ZC3H12C: variants seen among roughly 807,000 people sequenced by gnomAD.
ZC3H12C encodes the protein probable ribonuclease ZC3H12C.
Under a neutral mutation model 76.3 loss-of-function variants are expected in ZC3H12C, and 20 were observed. That is an observed-to-expected ratio of 0.26 (90% CI 0.18 to 0.38). The LOEUF (loss-of-function observed/expected upper bound fraction) is 0.38, where lower values mean the gene tolerates loss of function less well. ZC3H12C is among the 10% of genes least tolerant of loss of function. The pLI is 1.00. For missense variants in ZC3H12C, 874 were observed against 1,086.5 expected, an observed-to-expected ratio of 0.80 and a Z score of 2.75; for synonymous variants, 352 against 399.6, an observed-to-expected ratio of 0.88 and a Z score of 1.42.
At chr11:110,145,603 G>GT (rs1862150760) in intron 2 of ZC3H12C, among the ~76,000 whole-genome samples, 1 of 150,000 alleles carries the variant, frequency 6.7e-6, no homozygotes. Context: ...GAAATTGGGG[G>GT]CGGGGGGGAG....
chr11:110,164,134 T>G lies in ZC3H12C; in HGVS notation c.1256-207T>G, dbSNP rs1862531552. 6.6e-6 allele frequency among the ~76,000 whole-genome samples: 1 copy of G among 150,824 alleles called. No individual in the cohort carries two copies. Among genetic ancestry groups the G allele is most frequent in the South Asian group, 2.1e-4 (1 of 4,782 alleles). Reference sequence around the variant, plus strand: ...AAAAAGTTCTGGAGGTGATTATTACTCATTCGGCCAACTTCCTCCTGTTCT... The same window carrying G: ...AAAAAGTTCTGGAGGTGATTATTACGCATTCGGCCAACTTCCTCCTGTTCT... On this transcript the variant is annotated intron_variant, in intron 5 of 5. Coordinates refer to ENST00000278590, the MANE Select transcript of ZC3H12C (RefSeq NM_033390.2). The surrounding 1 kb of genome is among the most constrained non-coding windows in gnomAD (Gnocchi z 5.7).
chr11:110,166,736 C>A lies in ZC3H12C; in HGVS notation c.*999C>A, dbSNP rs1862592090. The A allele has an allele frequency of 6.6e-6, 1 of 152,162 alleles. No individual in the cohort carries two copies. The highest frequency in any genetic ancestry group is 2.4e-5 in the African/African-American group (1 of 41,430). The allele number at this position is 152,162 out of a possible 1,614,324, so 9.4% of individuals were successfully genotyped here. A position where few individuals can be genotyped will look rare whatever the true frequency, so the allele number is the denominator to read the frequency against. On this transcript the variant is annotated 3_prime_UTR_variant, in exon 6 of 6. Coordinates refer to ENST00000278590, the MANE Select transcript of ZC3H12C (RefSeq NM_033390.2). ...ATGCAACTTTTATATTTAACATACT[C>A]TTTAGCTTTCCTGCTATTTATCAAG...
intron 1 of ZC3H12C, among the ~76,000 whole-genome samples, chr11:110,094,873 T>A (rs1460487732): frequency 6.6e-6 from 1 of 152,250 alleles, no homozygotes; most frequent in Non-Finnish European, 1.5e-5. Flanking sequence ...AATGTTTTAA[T>A]ATTTTTACAT....
intron 1 of ZC3H12C, among the ~76,000 whole-genome samples, chr11:110,108,646 C>G (rs1373849133): frequency 6.6e-6 from 1 of 152,218 alleles, no homozygotes; most frequent in Non-Finnish European, 1.5e-5. Flanking sequence ...CCATCCAATA[C>G]TGTATTTTAA....
chr11:110,166,398 T>C lies in ZC3H12C; in HGVS notation c.*661T>C, dbSNP rs530428495. 105 of 152,334 alleles carry C rather than the reference T, an allele frequency of 6.9e-4. 1 individual carries two copies. The highest frequency in any genetic ancestry group is 2.2e-3 in the African/African-American group (91 of 41,586). The allele number at this position is 152,334 out of a possible 1,614,324, so 9.4% of individuals were successfully genotyped here. A position where few individuals can be genotyped will look rare whatever the true frequency, so the allele number is the denominator to read the frequency against. ...ATGGCACTTTTCGATGTGTTATTTT[T>C]GTTTGGATTTTTTTTTCTGTTAAGA... On this transcript the variant is annotated 3_prime_UTR_variant, in exon 6 of 6. Coordinates refer to ENST00000278590, the MANE Select transcript of ZC3H12C (RefSeq NM_033390.2).
chr11:110,096,150 A>G (rs565130617), intron 1 of ZC3H12C, among the ~76,000 whole-genome samples: 1 of 152,324 alleles, frequency 6.6e-6, no homozygotes, highest in East Asian at 1.9e-4. Context: ...TTTGCAATTA[A>G]TAGTTCAGAG....
At chr11:110,112,373 T>C (rs1232517635) in intron 1 of ZC3H12C, among the ~76,000 whole-genome samples, 3 of 152,102 alleles carry the variant, frequency 2.0e-5, no homozygotes, top group Admixed American at 2.0e-4. Flanking sequence ...TAATTTTTTG[T>C]AGAGATGGGA....
chr11:110,114,001 A>T (rs1354011026), intron 1 of ZC3H12C, among the ~76,000 whole-genome samples: 1 of 152,174 alleles, frequency 6.6e-6, no homozygotes, highest in African/African-American at 2.4e-5. Context: ...TGGGTAGAAG[A>T]ACACTATTCC....
chr11:110,165,914 C>A lies in ZC3H12C; in HGVS notation c.*177C>A. On this transcript the variant is annotated 3_prime_UTR_variant, in exon 6 of 6. Coordinates refer to ENST00000278590, the MANE Select transcript of ZC3H12C (RefSeq NM_033390.2). ...ATAGCCCCACATGGTGGAAGTATCACGGGATTGCTTTACATTTAAACTTTT... is the reference window on the plus strand; with the variant it reads ...ATAGCCCCACATGGTGGAAGTATCAAGGGATTGCTTTACATTTAAACTTTT... 4.8e-6 allele frequency: 3 copies of A among 627,392 alleles called. No individual in the cohort carries two copies. Among genetic ancestry groups the A allele is most frequent in the Admixed American group, 3.4e-5 (1 of 29,056 alleles). The allele number at this position is 627,392 out of a possible 1,614,324, so 38.9% of individuals were successfully genotyped here.
At chr11:110,154,848 A>AAAAAAC (rs1862346110) in intron 3 of ZC3H12C, among the ~76,000 whole-genome samples, 1 of 151,116 alleles carries the variant, frequency 6.6e-6, no homozygotes, top group Non-Finnish European at 1.5e-5. Flanking sequence ...AAAAAAAAAA[A>AAAAAAC]AAAACTTCTT....
At chr11:110,105,807 T>C (rs1861312722) in intron 1 of ZC3H12C, among the ~76,000 whole-genome samples, 1 of 152,238 alleles carries the variant, frequency 6.6e-6, no homozygotes, top group African/African-American at 2.4e-5. Context: ...ATTAGCTGAA[T>C]GGCATTCAAC....
intron 1 of ZC3H12C, among the ~76,000 whole-genome samples, chr11:110,102,830 T>C (rs1053168533): frequency 3.3e-5 from 5 of 152,198 alleles, no homozygotes; most frequent in Admixed American, 6.5e-5. Flanking sequence ...GCCATCAACA[T>C]TGAGGCAAGA....
At chr11:110,131,076 G>GAAA (rs1453216205) in intron 1 of ZC3H12C, 1 of 1,535,668 alleles carries the variant, frequency 6.5e-7, no homozygotes, top group South Asian at 1.2e-5. Context: ...AGCTGCTACA[G>GAAA]AAACCAATGT....
chr11:110,100,604 A>T (rs1254093524), intron 1 of ZC3H12C, among the ~76,000 whole-genome samples: 2 of 151,750 alleles, frequency 1.3e-5, no homozygotes, highest in African/African-American at 2.4e-5. Context: ...AAACTTTTTC[A>T]TTTTTATTTT....
intron 1 of ZC3H12C, chr11:110,136,232 T>C (rs1392753925): frequency 6.5e-6 from 1 of 153,898 alleles, no homozygotes; most frequent in African/African-American, 2.4e-5. Flanking sequence ...TGAATTCTGT[T>C]AGAGAAAAAT....
chr11:110,155,719 T>TAC (rs1417137204), intron 3 of ZC3H12C, among the ~76,000 whole-genome samples: 1 of 152,142 alleles, frequency 6.6e-6, no homozygotes, highest in African/African-American at 2.4e-5. Flanking sequence ...CATATATATA[T>TAC]ACACATATAT....
At chr11:110,115,538 A>G (rs539900430) in intron 1 of ZC3H12C, among the ~76,000 whole-genome samples, 5 of 151,934 alleles carry the variant, frequency 3.3e-5, no homozygotes, top group African/African-American at 1.2e-4. Flanking sequence ...CCTGACCTCA[A>G]GTGATGCACA....
At position 110,170,113 on chromosome 11, in the gene ZC3H12C, C is replaced by T. The variant is rs1047793906; in HGVS notation, c.*4376C>T. On this transcript the variant is annotated 3_prime_UTR_variant, in exon 6 of 6. Transcript: ENST00000278590. ...TGTCCTTCAAAAGAGGATTGTTAGA[C>T]ATTGATGTTAAAGCATCTTAATTCA... is the stretch of plus-strand genomic sequence containing the variant. The T allele has an allele frequency of 4.6e-5, 7 of 152,158 alleles. No individual in the cohort carries two copies. Among genetic ancestry groups the T allele is most frequent in the African/African-American group, 9.7e-5 (4 of 41,448 alleles). The allele number at this position is 152,158 out of a possible 1,614,324, so 9.4% of individuals were successfully genotyped here. A position where few individuals can be genotyped will look rare whatever the true frequency, so the allele number is the denominator to read the frequency against.
At chr11:110,096,135 G>A (rs1861108217) in intron 1 of ZC3H12C, among the ~76,000 whole-genome samples, 1 of 152,154 alleles carries the variant, frequency 6.6e-6, no homozygotes, top group Non-Finnish European at 1.5e-5. Flanking sequence ...AATCTCTGCT[G>A]CTGTTTTGCA....
Sources: allele counts gnomAD v4.1 joint callset (sites outside exome capture counted in the v4.1 genomes callset), GRCh38; gene constraint gnomAD v4.1.1; non-coding constraint Gnocchi (gnomAD v3.1); transcripts MANE v1.5; gene names NCBI Gene and HGNC (gene_info 2026-07-23, HGNC 2026-07-21).